The following IL1RAPL2 variants were observed in gnomAD, a reference collection of about 807,000 sequenced individuals.
IL1RAPL2 encodes the protein X-linked interleukin-1 receptor accessory protein-like 2.
A neutral mutation model predicts 44.1 loss-of-function variants in IL1RAPL2; 3 were observed. That is an observed-to-expected ratio of 0.07 (90% confidence interval 0.03 to 0.18). The LOEUF (loss-of-function observed/expected upper bound fraction) is 0.18. Ranked by LOEUF, IL1RAPL2 falls within the 10% of genes least tolerant of loss-of-function variation. The pLI is 1.00. For synonymous variants in IL1RAPL2, 181 were observed against 178.8 expected, an observed-to-expected ratio of 1.01 and a Z score of -0.10; for missense variants, 391 against 496.4, an observed-to-expected ratio of 0.79 and a Z score of 2.02.
chrX:104,762,117 C>A (rs910966065), intron 2 of IL1RAPL2, among the ~76,000 whole-genome samples: 5 of 108,959 alleles, frequency 4.6e-5, no homozygotes, highest in African/African-American at 1.7e-4. Context: ...CCTGCCTGAG[C>A]CTCCCAAGTA....
intron 2 of IL1RAPL2, among the ~76,000 whole-genome samples, chrX:105,076,271 T>C (rs1325355333): frequency 2.7e-5 from 3 of 111,605 alleles, no homozygotes; most frequent in Non-Finnish European, 5.6e-5. Context: ...TCAAAGAACA[T>C]CTTTATTTCT....
At chrX:105,423,423 C>A (rs183091553) in intron 5 of IL1RAPL2, among the ~76,000 whole-genome samples, 1 of 111,726 alleles carries the variant, frequency 9.0e-6, no homozygotes, top group African/African-American at 3.3e-5. Context: ...TGAGAACCTT[C>A]ACTCTTTGAG....
At chrX:104,947,534 GT>G (rs1482632349) in intron 2 of IL1RAPL2, among the ~76,000 whole-genome samples, 1 of 103,348 alleles carries the variant, frequency 9.7e-6, no homozygotes, top group Non-Finnish European at 2.0e-5. Context: ...TTCTTCTAGG[GT>G]TTTTATGGTT....
chrX:105,634,341 C>A (rs2037509882), intron 6 of IL1RAPL2, among the ~76,000 whole-genome samples: 1 of 111,223 alleles, frequency 9.0e-6, no homozygotes, highest in Admixed American at 9.6e-5. Context: ...CCTAAGTAAA[C>A]AATTTGCCAT....
chrX:105,447,214 T>A (rs1426076005), intron 5 of IL1RAPL2, among the ~76,000 whole-genome samples: 1 of 1,033 alleles, frequency 9.7e-4, no homozygotes, highest in African/African-American at 2.2e-3. Context: ...TATAAATATA[T>A]ATAAAATATA....
At chrX:104,582,871 T>TCTTTCTTTCTTTCTTTC (rs1556437625) in intron 1 of IL1RAPL2, among the ~76,000 whole-genome samples, 1 of 67,572 alleles carries the variant, frequency 1.5e-5, no homozygotes, top group African/African-American at 6.0e-5. Flanking sequence ...TTTCTTTCTT[T>TCTTTCTTTCTTTCTTTC]TTCTTTTCTT....
intron 2 of IL1RAPL2, among the ~76,000 whole-genome samples, chrX:104,894,738 C>T (rs774601691): frequency 8.9e-6 from 1 of 112,139 alleles, no homozygotes; most frequent in Non-Finnish European, 1.9e-5. Flanking sequence ...CAAACTTCCT[C>T]CTTTAGCTTT....
At position 104,996,052 on chromosome X, in the gene IL1RAPL2, T is replaced by G. The variant is rs751719896; in HGVS notation, c.83-199423T>G. ...GAGGTTATGCTATCAGAGCAATACATAGTGTTATGCTTTTTTTCCCCCTAT... is the reference window on the plus strand; with the variant it reads ...GAGGTTATGCTATCAGAGCAATACAGAGTGTTATGCTTTTTTTCCCCCTAT... On this transcript the variant is annotated intron_variant, in intron 2 of 10. Coordinates refer to ENST00000372582, the MANE Select transcript of IL1RAPL2 (RefSeq NM_017416.2). Among the ~76,000 whole-genome samples the G allele has an allele frequency of 4.5e-5, 5 of 111,728 alleles. No homozygotes were observed. In the Admixed American group the frequency reaches 4.7e-4, roughly 11 times the overall value.
intron 2 of IL1RAPL2, among the ~76,000 whole-genome samples, chrX:104,797,421 G>C (rs189948804): frequency 3.3e-4 from 37 of 110,762 alleles, no homozygotes; most frequent in African/African-American, 1.1e-3. Context: ...ATCTCTAGGT[G>C]TTTTTTGTTT....
chrX:105,343,329 TACCCC>T (rs2035085869), intron 5 of IL1RAPL2, among the ~76,000 whole-genome samples: 1 of 112,473 alleles, frequency 8.9e-6, no homozygotes, highest in Admixed American at 9.4e-5. Context: ...TTAAAAGATT[TACCCC>T]ACTGCTACCA....
rs773542267 is a variant in IL1RAPL2 at position 105,293,740 on chromosome X, A to G, written c.697+26199A>G. On this transcript the variant is annotated intron_variant, in intron 5 of 10. Coordinates refer to ENST00000372582, the MANE Select transcript of IL1RAPL2 (RefSeq NM_017416.2). ...GTACAGATAATCTTTCAATTTCTAA[A>G]TATAATTCTGAAAAAAAAATAATGT... Among the ~76,000 whole-genome samples the G allele has an allele frequency of 3.6e-5, 4 of 111,079 alleles. No individual in the cohort carries two copies. In the South Asian group the frequency reaches 1.5e-3, roughly 42 times the overall value.
chrX:105,459,763 T>A (rs1363287606), intron 5 of IL1RAPL2, among the ~76,000 whole-genome samples: 1 of 112,060 alleles, frequency 8.9e-6, no homozygotes, highest in African/African-American at 3.2e-5. Context: ...AATAAATTTT[T>A]ATTATCCAAG....
At chrX:104,650,229 A>AG (rs1400672720) in intron 1 of IL1RAPL2, among the ~76,000 whole-genome samples, 5 of 111,939 alleles carry the variant, frequency 4.5e-5, no homozygotes, top group Non-Finnish European at 9.4e-5. Flanking sequence ...TAGGAAAAAA[A>AG]GTAATTTTGA....
chrX:104,677,622 T>C (rs1167031465), intron 2 of IL1RAPL2, among the ~76,000 whole-genome samples: 3 of 112,777 alleles, frequency 2.7e-5, no homozygotes, highest in East Asian at 2.8e-4. Context: ...TGGTGGGCTC[T>C]GCCCAGTTCG....
intron 6 of IL1RAPL2, among the ~76,000 whole-genome samples, chrX:105,714,762 C>T (rs1463321744): frequency 8.9e-6 from 1 of 112,023 alleles, no homozygotes; most frequent in African/African-American, 3.2e-5. Context: ...AACACTGTTA[C>T]ATTGGCAATT....
chrX:105,488,683 G>A (rs1047848146), intron 6 of IL1RAPL2, among the ~76,000 whole-genome samples: 1 of 111,892 alleles, frequency 8.9e-6, no homozygotes, highest in Non-Finnish European at 1.9e-5. Flanking sequence ...AATGAGACAC[G>A]TTTTAGGAAA....
At chrX:105,740,507 A>G in intron 7 of IL1RAPL2, 39 bp from the exon 8 acceptor site, 1 of 1,195,152 alleles carries the variant, frequency 8.4e-7, no homozygotes, top group Non-Finnish European at 1.1e-6. Flanking sequence ...TTCTCCCCAA[A>G]TCAAGCCAAT....
intron 5 of IL1RAPL2, among the ~76,000 whole-genome samples, chrX:105,296,517 G>C (rs1353726777): frequency 8.9e-6 from 1 of 112,421 alleles, no homozygotes; most frequent in East Asian, 2.8e-4. Context: ...AAAGGTAGAT[G>C]GTCACTATGC....
intron 5 of IL1RAPL2, chrX:105,406,439 A>G: frequency 8.5e-7 from 1 of 1,172,954 alleles, no homozygotes. Context: ...GGAAGTGGCA[A>G]TAAAGAATTC....
Sources: allele counts gnomAD v4.1 joint callset (sites outside exome capture counted in the v4.1 genomes callset), GRCh38; gene constraint gnomAD v4.1.1; transcripts MANE v1.5; gene names NCBI Gene and HGNC (gene_info 2026-07-23, HGNC 2026-07-21).